CACNA1C: variants seen among roughly 807,000 people sequenced by gnomAD.
The protein encoded by CACNA1C is calcium voltage-gated channel subunit alpha1 C.
Under a neutral mutation model 229.0 loss-of-function variants are expected in CACNA1C, and 30 were observed. That is an observed-to-expected ratio of 0.13 (90% confidence interval 0.10 to 0.18). CACNA1C has a LOEUF of 0.18. Among genes scored for constraint, CACNA1C ranks in the 10% least tolerant of loss-of-function variants. The pLI is 1.00. For missense variants in CACNA1C, 1,658 were observed against 2,845.0 expected (o/e 0.58, Z 9.49); for synonymous variants, 1,114 against 1,132.5 (o/e 0.98, Z 0.33).
intron 3 of CACNA1C, among the ~76,000 whole-genome samples, chr12:2,395,176 G>A (rs1405928454): frequency 6.7e-6 from 1 of 148,900 alleles, no homozygotes; most frequent in Non-Finnish European, 1.5e-5. Context: ...GAAGCACTGT[G>A]CCTGCACTCC....
At chr12:2,648,604 G>A (rs554945040) in intron 31 of CACNA1C, 97 bp downstream of exon 31, 14 of 1,033,224 alleles carry the variant, frequency 1.4e-5, no homozygotes, top group East Asian at 9.5e-5. Flanking sequence ...TGGGAGCCCT[G>A]CCTGGCTCTC....
chr12:2,304,401 A>T (rs2154477367), intron 3 of CACNA1C, among the ~76,000 whole-genome samples: 1 of 152,340 alleles, frequency 6.6e-6, no homozygotes, highest in Admixed American at 6.5e-5. Flanking sequence ...GACAGCAGCA[A>T]CATAAATAGC....
At chr12:2,168,124 G>T (rs760756967) in intron 3 of CACNA1C, among the ~76,000 whole-genome samples, 3 of 152,166 alleles carry the variant, frequency 2.0e-5, no homozygotes, top group Non-Finnish European at 2.9e-5. Context: ...AATATGCACA[G>T]CTTAAAGAAA....
At chr12:2,456,840 C>G (rs1003082163) in intron 4 of CACNA1C, among the ~76,000 whole-genome samples, 1 of 152,222 alleles carries the variant, frequency 6.6e-6, no homozygotes, top group African/African-American at 2.4e-5. Context: ...TGCTAGAATG[C>G]AAGTTCCATG....
intron 1 of CACNA1C, among the ~76,000 whole-genome samples, chr12:2,005,699 T>G (rs2043282972): frequency 6.6e-6 from 1 of 152,230 alleles, no homozygotes; most frequent in African/African-American, 2.4e-5. Context: ...ATCTCAAAGA[T>G]CTGCTTAACT....
intron 1 of CACNA1C, among the ~76,000 whole-genome samples, chr12:2,032,871 C>T (rs1005066447): frequency 6.6e-5 from 10 of 152,192 alleles, no homozygotes; most frequent in Admixed American, 6.5e-4. Flanking sequence ...GATTTAACAA[C>T]GCTGAAGCGC....
At chr12:2,473,903 A>G (rs927203667) in intron 5 of CACNA1C, among the ~76,000 whole-genome samples, 2 of 152,212 alleles carry the variant, frequency 1.3e-5, no homozygotes, top group African/African-American at 4.8e-5. Context: ...ATTTTGTTCG[A>G]GTTACATAGA....
chr12:2,255,832 T>TAGTTTACAATCACAGGATCCTGACCTG (rs1476690825), intron 3 of CACNA1C, among the ~76,000 whole-genome samples: 941 of 23,378 alleles, frequency 0.04, 21 homozygotes, highest in African/African-American at 0.058. Context: ...ATCCTGACCT[T>TAGTTTACAATCACAGGATCCTGACCTG]ACTAGTTTAC....
chr12:2,117,917 A>G (rs2084723887), intron 2 of CACNA1C, among the ~76,000 whole-genome samples: 1 of 152,188 alleles, frequency 6.6e-6, no homozygotes, highest in Admixed American at 6.5e-5. Flanking sequence ...GATAGCCTGG[A>G]GTACTAGCCA....
At chr12:2,169,111 GC>G (rs1368744226) in intron 3 of CACNA1C, among the ~76,000 whole-genome samples, 1 of 152,150 alleles carries the variant, frequency 6.6e-6, no homozygotes, top group Non-Finnish European at 1.5e-5. Flanking sequence ...GTCCTTTAGT[GC>G]TTGAAAGTAG....
At chr12:2,175,929 G>A (rs181440230) in intron 3 of CACNA1C, among the ~76,000 whole-genome samples, 8 of 152,122 alleles carry the variant, frequency 5.3e-5, no homozygotes, top group South Asian at 2.1e-4. Flanking sequence ...GCTGGGTATC[G>A]TTCTAACATC....
At chr12:1,996,039 C>T (rs2040710438) in intron 1 of CACNA1C, among the ~76,000 whole-genome samples, 1 of 152,160 alleles carries the variant, frequency 6.6e-6, no homozygotes, top group Non-Finnish European at 1.5e-5. Flanking sequence ...CTTCCATGTT[C>T]AAAATATTGT....
In CACNA1C at chr12:2,674,543, A is replaced by T; in HGVS notation, c.4729A>T (p.Asn1577Tyr). The change falls in exon 39 of 47, where the codon AAC becomes TAC. Residue 1577 changes from asparagine to tyrosine, a missense_variant and splice_region_variant. Coordinates refer to ENST00000399655, the MANE Select transcript of CACNA1C (RefSeq NM_000719.7). ...RTALRIKTEG[N>Y]LEQANEELRA... ...TGAGGATCCTTTCCGCCCTGCAGGGAACCTAGAACAAGCCAATGAGGAGCT... is the reference window on the plus strand; with the variant it reads ...TGAGGATCCTTTCCGCCCTGCAGGGTACCTAGAACAAGCCAATGAGGAGCT... 2 of 1,560,392 alleles carry T rather than the reference A, an allele frequency of 1.3e-6. No individual in the cohort carries two copies. Among genetic ancestry groups the T allele is most frequent in the Non-Finnish European group, 1.7e-6 (2 of 1,151,802 alleles).
chr12:2,398,487 G>A (rs755607608), intron 3 of CACNA1C, among the ~76,000 whole-genome samples: 17 of 152,190 alleles, frequency 1.1e-4, no homozygotes, highest in African/African-American at 2.7e-4. Context: ...TCTGTGCATC[G>A]GGAGACTGGC....
At chr12:1,987,362 A>T (rs2038097938) in intron 1 of CACNA1C, among the ~76,000 whole-genome samples, 1 of 152,246 alleles carries the variant, frequency 6.6e-6, no homozygotes, top group Non-Finnish European at 1.5e-5. Context: ...TTGGAAAGCT[A>T]ACCACAACTA....
At chr12:2,317,748 C>T (rs2095767449) in intron 3 of CACNA1C, among the ~76,000 whole-genome samples, 1 of 152,154 alleles carries the variant, frequency 6.6e-6, no homozygotes, top group Admixed American at 6.5e-5. Flanking sequence ...GAAATCCCTC[C>T]AAGCACTGTG....
chr12:2,327,431 T>C (rs1364842391), intron 3 of CACNA1C, among the ~76,000 whole-genome samples: 35 of 152,112 alleles, frequency 2.3e-4, no homozygotes, highest in Non-Finnish European at 1.0e-4. Flanking sequence ...TCAAAGAAAA[T>C]GGGGTTCATT....
Position 2,486,314 on chromosome 12 carries a change from A to T in CACNA1C, c.916+52A>T. On this transcript the variant is annotated intron_variant, in intron 6 of 46. Transcript: ENST00000399655. This position sits in a 1 kb window ranked among gnomAD's most constrained non-coding sequence, Gnocchi z 4.9. ...CAAGGCCCTGCCCTCTATCGCTCCC[A>T]GCACCTTTCCCGCTGCTGGCTACAC... 6.6e-7 allele frequency: 1 copy of T among 1,511,722 alleles called. No individual in the cohort carries two copies. The highest frequency in any genetic ancestry group is 9.0e-7 in the Non-Finnish European group (1 of 1,105,276). 93.6% of individuals were successfully genotyped at this position (1,511,722 alleles called of 1,614,324 possible). A position where few individuals can be genotyped will look rare whatever the true frequency, so the allele number is the denominator to read the frequency against.
intron 29 of CACNA1C, among the ~76,000 whole-genome samples, chr12:2,623,744 A>C (rs941310079): frequency 6.6e-6 from 1 of 152,184 alleles, no homozygotes; most frequent in African/African-American, 2.4e-5. Flanking sequence ...GGCCAACGGA[A>C]GACAAGACAG....
Sources: gnomAD v4.1 joint callset for allele counts (sites outside exome capture counted in the v4.1 genomes callset) on GRCh38, gnomAD v4.1.1 for gene constraint, Gnocchi (gnomAD v3.1) non-coding constraint, MANE v1.5 for transcripts, NCBI Gene and HGNC (gene_info 2026-07-23, HGNC 2026-07-21) for gene names.